The following SATB2 variants were observed in gnomAD, a reference collection of about 807,000 sequenced individuals.
SATB2 encodes SATB homeobox 2, also known as DNA-binding protein SATB2.
SATB2 carries 1 observed loss-of-function variant against 73.4 expected under a neutral mutation model. That is an observed-to-expected ratio of 0.01 (90% CI 0.00 to 0.06). The LOEUF (loss-of-function observed/expected upper bound fraction) is 0.06, where lower values mean the gene tolerates loss of function less well. Ranked by LOEUF, SATB2 falls within the 10% of genes least tolerant of loss-of-function variation. SATB2 has a pLI of 1.00. For missense variants in SATB2, 459 were observed against 945.8 expected, an observed-to-expected ratio of 0.49 and a Z score of 6.75; for synonymous variants, 397 against 367.0, an observed-to-expected ratio of 1.08 and a Z score of -0.93.
At chr2:199,386,716 GCACACACACACACACACACACACA>G (rs61568459) in intron 3 of SATB2, among the ~76,000 whole-genome samples, 1 of 9,220 alleles carries the variant, frequency 1.1e-4, no homozygotes, top group Admixed American at 1.9e-3. Flanking sequence ...GCGCGCGCGC[GCACACACACACACACACACACACA>G]CACACACACA....
intron 10 of SATB2, among the ~76,000 whole-genome samples, chr2:199,283,943 T>A (rs558793779): frequency 2.6e-5 from 4 of 152,194 alleles, no homozygotes; most frequent in Non-Finnish European, 5.9e-5. Flanking sequence ...GAGCCACCCA[T>A]CTTTGTCATG....
At chr2:199,292,540 A>G (rs569148145) in intron 10 of SATB2, among the ~76,000 whole-genome samples, 1 of 152,358 alleles carries the variant, frequency 6.6e-6, no homozygotes, top group South Asian at 2.1e-4. Context: ...ATATGCAGAT[A>G]ATAAATGCTT....
At chr2:199,407,927 C>A (rs1337369418) in intron 3 of SATB2, among the ~76,000 whole-genome samples, 1 of 152,002 alleles carries the variant, frequency 6.6e-6, no homozygotes, top group African/African-American at 2.4e-5. Context: ...ACTCAAAGTT[C>A]AAAAATTAAA....
chr2:199,418,473 T>C (rs535118846), intron 3 of SATB2, among the ~76,000 whole-genome samples: 14 of 152,186 alleles, frequency 9.2e-5, no homozygotes, highest in Non-Finnish European at 1.6e-4. Context: ...TATTCAAAAT[T>C]AAAAGGAAAT....
intron 10 of SATB2, among the ~76,000 whole-genome samples, chr2:199,307,469 G>A (rs1490783227): frequency 2.0e-5 from 3 of 152,074 alleles, no homozygotes; most frequent in Non-Finnish European, 2.9e-5. Flanking sequence ...GAAAGGGGAG[G>A]ATGGGTCCTG....
At chr2:199,448,928 A>G (rs1692046309) in intron 2 of SATB2, among the ~76,000 whole-genome samples, 1 of 152,218 alleles carries the variant, frequency 6.6e-6, no homozygotes, top group Admixed American at 6.5e-5. Context: ...TAACAGTACC[A>G]GGAGCAACTA....
intron 5 of SATB2, among the ~76,000 whole-genome samples, chr2:199,375,956 A>T (rs1024676248): frequency 1.3e-5 from 2 of 152,188 alleles, no homozygotes; most frequent in Non-Finnish European, 2.9e-5. Flanking sequence ...TTTTTACTTT[A>T]TACAGGCTGA....
intron 2 of SATB2, among the ~76,000 whole-genome samples, chr2:199,438,770 T>C (rs16831505): frequency 0.02 from 3,037 of 152,340 alleles, 97 homozygotes; most frequent in African/African-American, 0.068. Context: ...TAGATCATCA[T>C]GTAGTCTAAC....
chr2:199,345,617 G>T (rs1255342291), intron 7 of SATB2, among the ~76,000 whole-genome samples: 2 of 152,096 alleles, frequency 1.3e-5, no homozygotes, highest in African/African-American at 4.8e-5. Flanking sequence ...CCTGGTGTCA[G>T]TTCTATTCCT....
chr2:199,354,783 C>T (rs1344694760), intron 6 of SATB2, among the ~76,000 whole-genome samples: 1 of 152,110 alleles, frequency 6.6e-6, no homozygotes, highest in Middle Eastern at 3.2e-3. Flanking sequence ...CATTTTCCAA[C>T]CACCCTCTAA....
chr2:199,416,100 A>G (rs1690971983), intron 3 of SATB2, among the ~76,000 whole-genome samples: 1 of 152,206 alleles, frequency 6.6e-6, no homozygotes, highest in African/African-American at 2.4e-5. Context: ...GTTACATTAC[A>G]TTATTTCGCA....
chr2:199,386,656 G>C (rs1369358557), intron 3 of SATB2, among the ~76,000 whole-genome samples: 1 of 151,226 alleles, frequency 6.6e-6, no homozygotes, highest in Non-Finnish European at 1.5e-5. Flanking sequence ...AGAAAAACTA[G>C]TGATGATTAA....
upstream of SATB2, among the ~76,000 whole-genome samples, chr2:199,462,421 G>C (rs1032926643): frequency 1.3e-5 from 2 of 152,220 alleles, no homozygotes; most frequent in African/African-American, 4.8e-5. This position sits in a 1 kb window ranked among gnomAD's most constrained non-coding sequence, Gnocchi z 5.9. Flanking sequence ...GCGCCAAGAG[G>C]ACAAGAGCCA....
chr2:199,272,730 C>A lies in SATB2; in HGVS notation c.1741-58G>T. The A allele has an allele frequency of 6.9e-7, 1 of 1,459,542 alleles. No homozygotes were observed. The highest frequency in any genetic ancestry group is 9.6e-7 in the Non-Finnish European group (1 of 1,039,592). 90.4% of individuals were successfully genotyped at this position (1,459,542 alleles called of 1,614,324 possible). On this transcript the variant is annotated intron_variant, in intron 10 of 10. Transcript: ENST00000417098. The surrounding 1 kb of genome is among the most constrained non-coding windows in gnomAD (Gnocchi z 6.7). The stretch of plus-strand genomic sequence containing the variant: ...GACTCATGATTTTACCTTTCCAAAA[C>A]CATCAGCCCTCTGAAATATGTGTTA...
upstream of SATB2, chr2:199,458,410 C>T: frequency 2.7e-6 from 1 of 373,464 alleles, no homozygotes; most frequent in Non-Finnish European, 5.3e-6. Context: ...GTGACGAGGA[C>T]CTCATGCACG....
intron 10 of SATB2, among the ~76,000 whole-genome samples, chr2:199,301,988 T>C (rs1359929772): frequency 3.3e-5 from 5 of 152,172 alleles, no homozygotes; most frequent in Non-Finnish European, 5.9e-5. Flanking sequence ...GTCCTACACC[T>C]GGATTTTCAT....
At chr2:199,324,866 G>A (rs1687987722) in intron 8 of SATB2, among the ~76,000 whole-genome samples, 2 of 152,134 alleles carry the variant, frequency 1.3e-5, no homozygotes, top group Admixed American at 1.3e-4. Context: ...TGATCCTTGT[G>A]CACTACCAGC....
chr2:199,435,413 A>G (rs1189865668), intron 2 of SATB2, among the ~76,000 whole-genome samples: 1 of 151,240 alleles, frequency 6.6e-6, no homozygotes, highest in Non-Finnish European at 1.5e-5. Context: ...CAATGGTGCA[A>G]TCTCGGCTCA....
intron 2 of SATB2, among the ~76,000 whole-genome samples, chr2:199,435,118 T>C (rs746509194): frequency 1.1e-4 from 17 of 152,198 alleles, no homozygotes; most frequent in Non-Finnish European, 1.6e-4. Flanking sequence ...AGCAGTATTA[T>C]TGTCTATAGC....
Sources: gnomAD v4.1 joint callset for allele counts (sites outside exome capture counted in the v4.1 genomes callset) on GRCh38, gnomAD v4.1.1 for gene constraint, Gnocchi (gnomAD v3.1) non-coding constraint, MANE v1.5 for transcripts, NCBI Gene and HGNC (gene_info 2026-07-23, HGNC 2026-07-21) for gene names.